SHISA9: variants seen among roughly 807,000 people sequenced by gnomAD.
The protein encoded by SHISA9 is shisa family member 9.
SHISA9 carries 13 observed loss-of-function variants against 38.0 expected under a neutral mutation model. That is an observed-to-expected ratio of 0.34 (90% CI 0.22 to 0.54). SHISA9 has a LOEUF of 0.54. SHISA9 is among the 20% of genes least tolerant of loss of function. The pLI is 0.91. For synonymous variants in SHISA9, 275 were observed against 242.0 expected, an observed-to-expected ratio of 1.14 and a Z score of -1.27; for missense variants, 538 against 575.8, an observed-to-expected ratio of 0.93 and a Z score of 0.67.
At chr16:13,438,518 ATAAAG>A in the SHISA9 span, among the ~76,000 whole-genome samples, 1 of 152,260 alleles carries the variant, frequency 6.6e-6, no homozygotes, top group East Asian at 1.9e-4. Flanking sequence ...AGCTACAAAA[ATAAAG>A]AAAAGGAGAG....
intron 4 of SHISA9, among the ~76,000 whole-genome samples, chr16:13,219,244 T>C (rs1043328729): frequency 6.6e-6 from 1 of 152,250 alleles, no homozygotes; most frequent in Non-Finnish European, 1.5e-5. Flanking sequence ...CCCAGCCAGA[T>C]CCTGTTCATT....
At chr16:13,482,801 T>TAAA in the SHISA9 span, among the ~76,000 whole-genome samples, 6,830 of 112,416 alleles carry the variant, frequency 0.061, 381 homozygotes, top group East Asian at 0.17. Context: ...ATCCTGTCAC[T>TAAA]AAAAAAAAAA....
chr16:13,019,886 T>C (rs796458094), intron 2 of SHISA9, among the ~76,000 whole-genome samples: 2,207 of 11,374 alleles, frequency 0.19, 180 homozygotes, highest in East Asian at 0.29. Flanking sequence ...CTCCCTCCCT[T>C]CTTTCTTTCT....
the SHISA9 span, among the ~76,000 whole-genome samples, chr16:13,364,381 A>G: frequency 2.0e-5 from 3 of 152,254 alleles, no homozygotes; most frequent in African/African-American, 7.2e-5. Context: ...GAAAATAAAG[A>G]GAAGCAAATT....
chr16:13,476,677 C>A, the SHISA9 span, among the ~76,000 whole-genome samples: 24 of 150,634 alleles, frequency 1.6e-4, no homozygotes, highest in African/African-American at 5.1e-4. Flanking sequence ...TCCCATCCCA[C>A]TTAGCCCCTC....
Position 13,202,420 on chromosome 16 carries a change from T to C in SHISA9, c.692-974T>C, listed in dbSNP as rs1410720502. On this transcript the variant is annotated intron_variant, in intron 2 of 4. Transcript: ENST00000558583. ...AAACCTTCCTGAATCTCTCTTTCCT[T>C]GAATCTCATTTCCCTTCAAGCAGCC... Among the ~76,000 whole-genome samples the C allele has an allele frequency of 3.7e-5, 5 of 134,282 alleles. 1 individual carries two copies. Among genetic ancestry groups the C allele is most frequent in the Non-Finnish European group, 8.1e-5 (5 of 61,810 alleles). 88.1% of individuals were successfully genotyped at this position (134,282 alleles called of 152,430 possible).
the SHISA9 span, among the ~76,000 whole-genome samples, chr16:13,543,869 T>C: frequency 6.6e-6 from 1 of 152,184 alleles, no homozygotes; most frequent in Non-Finnish European, 1.5e-5. Flanking sequence ...CCCTCCAGAT[T>C]AAAGATGAAA....
chr16:13,311,108 A>AAG, the SHISA9 span, among the ~76,000 whole-genome samples: 1 of 152,126 alleles, frequency 6.6e-6, no homozygotes, highest in Non-Finnish European at 1.5e-5. Context: ...CAGGGCCTAG[A>AAG]AGATACTCTG....
At chr16:13,406,007 A>G in the SHISA9 span, among the ~76,000 whole-genome samples, 16 of 152,178 alleles carry the variant, frequency 1.1e-4, no homozygotes, top group African/African-American at 3.4e-4. Flanking sequence ...TAAACTAAAG[A>G]AAAAGAAATT....
chr16:13,212,392 G>C (rs2051129528), intron 3 of SHISA9, among the ~76,000 whole-genome samples: 1 of 152,172 alleles, frequency 6.6e-6, no homozygotes, highest in Admixed American at 6.5e-5. Context: ...GTTGGGTATA[G>C]CCTTGGCCAA....
intron 2 of SHISA9, among the ~76,000 whole-genome samples, chr16:12,940,968 G>A (rs867546603): frequency 9.9e-5 from 15 of 152,184 alleles, no homozygotes; most frequent in African/African-American, 3.6e-4. Flanking sequence ...CTTCCCTACC[G>A]TCACCAGTTA....
intron 2 of SHISA9, among the ~76,000 whole-genome samples, chr16:13,103,681 CTT>C (rs1174541880): frequency 6.6e-6 from 1 of 152,374 alleles, no homozygotes; most frequent in African/African-American, 2.4e-5. Context: ...GCTTTCCTCT[CTT>C]CTGTCTGATA....
intron 1 of SHISA9, chr16:12,908,865 T>TTATTTTGTCC: frequency 8.9e-7 from 1 of 1,117,536 alleles, no homozygotes; most frequent in Non-Finnish European, 1.1e-6. Context: ...ACACATGTCA[T>TTATTTTGTCC]TATTTTGTCC....
At chr16:13,039,967 C>T (rs558084992) in intron 2 of SHISA9, among the ~76,000 whole-genome samples, 8 of 152,174 alleles carry the variant, frequency 5.3e-5, no homozygotes, top group Non-Finnish European at 1.0e-4. Flanking sequence ...TGAGTCCTGC[C>T]AACTCCACCC....
intron 2 of SHISA9, among the ~76,000 whole-genome samples, chr16:12,995,289 G>A (rs1032183978): frequency 1.3e-5 from 2 of 152,128 alleles, no homozygotes; most frequent in African/African-American, 4.8e-5. Flanking sequence ...ATTGACTACA[G>A]TCTCCCCACT....
At chr16:13,243,010 A>G (rs970726350), downstream of SHISA9, among the ~76,000 whole-genome samples, 13 of 152,044 alleles carry the variant, frequency 8.6e-5, no homozygotes, top group African/African-American at 2.9e-4. Flanking sequence ...GGAGGCCGAG[A>G]AGGGCAGATC....
chr16:12,957,949 T>G (rs2071858526), intron 2 of SHISA9, among the ~76,000 whole-genome samples: 1 of 152,176 alleles, frequency 6.6e-6, no homozygotes, highest in Non-Finnish European at 1.5e-5. Context: ...AGACCTTATT[T>G]AAGCCTAATG....
chr16:13,089,837 C>T lies in SHISA9; in HGVS notation c.692-113557C>T, dbSNP rs1396433689. ...TCTGATCTTAATTATTTCTTGCCTTCTGCTAGCTTTTAAATTTGTTTGCTC... is the reference window on the plus strand; with the variant it reads ...TCTGATCTTAATTATTTCTTGCCTTTTGCTAGCTTTTAAATTTGTTTGCTC... On this transcript the variant is annotated intron_variant, in intron 2 of 4. Transcript: ENST00000558583. 4.6e-5 allele frequency among the ~76,000 whole-genome samples: 7 copies of T among 152,256 alleles called. No individual in the cohort carries two copies. The East Asian group carries it at 1.4e-3, about 29-fold the overall frequency.
chr16:12,911,195 C>G, intron 1 of SHISA9: 1 of 948,118 alleles, frequency 1.1e-6, no homozygotes, highest in Non-Finnish European at 1.3e-6. Flanking sequence ...TCAGGCCCCA[C>G]CTCCTGCTTA....
Sources: gnomAD v4.1 joint callset for allele counts (sites outside exome capture counted in the v4.1 genomes callset) on GRCh38, gnomAD v4.1.1 for gene constraint, MANE v1.5 for transcripts, NCBI Gene and HGNC (gene_info 2026-07-23, HGNC 2026-07-21) for gene names.